Variants in ATP6V0A4 observed in about 807,000 individuals in gnomAD.
ATP6V0A4 encodes ATPase H+ transporting V0 subunit a4.
A neutral mutation model predicts 107.3 loss-of-function variants in ATP6V0A4; 86 were observed. That is an observed-to-expected ratio of 0.80 (90% confidence interval 0.67 to 0.96). ATP6V0A4 has a LOEUF of 0.96. Among genes scored for constraint, ATP6V0A4 ranks in the 40% least tolerant of loss-of-function variants. ATP6V0A4 has a pLI of 0.00. For synonymous variants in ATP6V0A4, 353 were observed against 381.4 expected, an observed-to-expected ratio of 0.93 and a Z score of 0.87; for missense variants, 908 against 1,045.6, an observed-to-expected ratio of 0.87 and a Z score of 1.81.
At chr7:138,774,715 T>C (rs907006285) in intron 2 of ATP6V0A4, among the ~76,000 whole-genome samples, 1 of 147,560 alleles carries the variant, frequency 6.8e-6, no homozygotes, top group African/African-American at 2.5e-5. Context: ...TGTGTATATA[T>C]GTGTGTATAT....
chr7:138,796,280 C>A (rs1172783026), intron 1 of ATP6V0A4, among the ~76,000 whole-genome samples: 1 of 152,064 alleles, frequency 6.6e-6, no homozygotes. Context: ...AATGCCTAAA[C>A]TGGACTTCTG....
chr7:138,716,969 C>T (rs1199052105), intron 19 of ATP6V0A4, among the ~76,000 whole-genome samples: 1 of 152,170 alleles, frequency 6.6e-6, no homozygotes, highest in Non-Finnish European at 1.5e-5. Context: ...AGCGCAATGA[C>T]CAGGGCATGC....
chr7:138,775,920 G>C (rs1807639046), intron 2 of ATP6V0A4, among the ~76,000 whole-genome samples: 1 of 152,138 alleles, frequency 6.6e-6, no homozygotes, highest in African/African-American at 2.4e-5. Context: ...AAAGTGCTGG[G>C]ATTACAGGCG....
intron 1 of ATP6V0A4, among the ~76,000 whole-genome samples, chr7:138,786,696 G>A (rs1808193798): frequency 6.6e-6 from 1 of 151,886 alleles, no homozygotes; most frequent in Admixed American, 6.6e-5. Context: ...TTCTCCCTAT[G>A]TTGCCCAGGC....
chr7:138,747,315 C>T (rs1805998349), intron 13 of ATP6V0A4, 110 bp downstream of exon 13: 10 of 1,385,184 alleles, frequency 7.2e-6, no homozygotes, highest in Non-Finnish European at 1.0e-5. Flanking sequence ...TTTTTACTTT[C>T]CTTCTCTCCT....
chr7:138,753,814 G>A (rs1806361403), intron 10 of ATP6V0A4, among the ~76,000 whole-genome samples: 1 of 152,118 alleles, frequency 6.6e-6, no homozygotes, highest in Non-Finnish European at 1.5e-5. Context: ...CAGGAGACAA[G>A]AGCACCTCAG....
intron 2 of ATP6V0A4, among the ~76,000 whole-genome samples, chr7:138,778,445 T>C (rs1037152221): frequency 6.7e-6 from 1 of 149,596 alleles, no homozygotes; most frequent in African/African-American, 2.4e-5. Context: ...TATATATATA[T>C]ATATGCAAAT....
intron 2 of ATP6V0A4, among the ~76,000 whole-genome samples, chr7:138,781,783 C>T (rs1277537947): frequency 6.6e-6 from 1 of 151,478 alleles, no homozygotes; most frequent in Non-Finnish European, 1.5e-5. Flanking sequence ...AATGTCCTTG[C>T]CTTGTTCCTA....
In ATP6V0A4 at chr7:138,733,069, G is replaced by A; in HGVS notation, c.1716C>T (p.Ile572=). 6.2e-7 allele frequency: 1 copy of A among 1,613,926 alleles called. No individual in the cohort carries two copies. The change falls in exon 17 of 22, where the codon ATC becomes ATT. Residue 572 remains isoleucine, a synonymous_variant. Coordinates refer to ENST00000310018, the MANE Select transcript of ATP6V0A4 (RefSeq NM_020632.3). The part of the protein sequence containing the change: ...NHIYFRRTLN[I]ILQFIPEMIF... ...TCATCTCAGGGATAAATTGCAGAAT[G>A]ATGTTGAGAGTTCTTCTGAAGTATC...
chr7:138,770,870 A>G (rs781231287), intron 3 of ATP6V0A4, among the ~76,000 whole-genome samples: 1 of 152,198 alleles, frequency 6.6e-6, no homozygotes, highest in Non-Finnish European at 1.5e-5. Flanking sequence ...AATGACATCT[A>G]ATGAGTAGTG....
chr7:138,793,168 G>A lies in ATP6V0A4; in HGVS notation c.-121+4866C>T, dbSNP rs1431987229. ...AAATTACCCGGGGGTGGTGGCACAC[G>A]CCTGTAATCCCAGCTACTCAGGAGA... On this transcript the variant is annotated intron_variant, in intron 1 of 21. Coordinates refer to ENST00000310018, the MANE Select transcript of ATP6V0A4 (RefSeq NM_020632.3). 2.0e-5 allele frequency among the ~76,000 whole-genome samples: 3 copies of A among 152,026 alleles called. No individual in the cohort carries two copies. The East Asian group carries it at 5.8e-4, about 29-fold the overall frequency.
At position 138,753,036 on chromosome 7, in the gene ATP6V0A4, G is replaced by C. The variant is rs114969033; in HGVS notation, c.817-199C>G. ...AGGCTAAAACCCTTAGGCAGAGATT[G>C]TATCTTCCTTTTCTTCTAAATTCCT... On this transcript the variant is annotated intron_variant, in intron 10 of 21. Transcript: ENST00000310018. 570 of 465,886 alleles carry C rather than the reference G, an allele frequency of 1.2e-3. 1 individual carries two copies. The highest frequency in any genetic ancestry group is 0.011 in the African/African-American group (541 of 47,272). 28.9% of individuals were successfully genotyped at this position (465,886 alleles called of 1,614,324 possible). A position where few individuals can be genotyped will look rare whatever the true frequency, so the allele number is the denominator to read the frequency against.
At chr7:138,755,810 A>C (rs1268605740) in intron 9 of ATP6V0A4, 28 bp from the exon 10 acceptor site, 1 of 1,609,010 alleles carries the variant, frequency 6.2e-7, no homozygotes, top group Non-Finnish European at 8.5e-7. Context: ...CAAAGGAAAC[A>C]GGTGAGTTCT....
intron 21 of ATP6V0A4, 46 bp from the exon 22 acceptor site, chr7:138,706,763 C>T (rs1362522596): frequency 1.2e-6 from 2 of 1,608,262 alleles, no homozygotes; most frequent in Non-Finnish European, 1.7e-6. Context: ...GAGATTGAAA[C>T]ACATCAGTTA....
At chr7:138,765,589 G>A (rs938097071) in intron 5 of ATP6V0A4, among the ~76,000 whole-genome samples, 1 of 152,256 alleles carries the variant, frequency 6.6e-6, no homozygotes, top group African/African-American at 2.4e-5. Context: ...CAGAGCCATT[G>A]GTGTACTCTT....
At chr7:138,748,326 C>T (rs80282597) in intron 12 of ATP6V0A4, among the ~76,000 whole-genome samples, 5,712 of 152,178 alleles carry the variant, frequency 0.038, 345 homozygotes, top group East Asian at 0.14. Context: ...GCCACAAATT[C>T]GACTGGGCCT....
chr7:138,775,971 A>T (rs1302918353), intron 2 of ATP6V0A4, among the ~76,000 whole-genome samples: 1 of 151,622 alleles, frequency 6.6e-6, no homozygotes, highest in Admixed American at 6.6e-5. Flanking sequence ...TTTTTATTTT[A>T]ATTTTTATAA....
intron 2 of ATP6V0A4, among the ~76,000 whole-genome samples, chr7:138,776,818 A>T (rs954469917): frequency 6.6e-6 from 1 of 152,162 alleles, no homozygotes; most frequent in African/African-American, 2.4e-5. Flanking sequence ...GGCCTCAGTG[A>T]CCTTATCTGA....
intron 2 of ATP6V0A4, among the ~76,000 whole-genome samples, chr7:138,775,729 C>A (rs1276665715): frequency 5.4e-5 from 8 of 148,900 alleles, no homozygotes; most frequent in African/African-American, 2.0e-4. Flanking sequence ...CGGCTCACTG[C>A]AAGCTCTGCC....
Sources: gnomAD v4.1 joint callset for allele counts (sites outside exome capture counted in the v4.1 genomes callset) on GRCh38, gnomAD v4.1.1 for gene constraint, MANE v1.5 for transcripts, NCBI Gene and HGNC (gene_info 2026-07-23, HGNC 2026-07-21) for gene names.